ADCY2: variants seen among roughly 807,000 people sequenced by gnomAD.
ADCY2 encodes the protein adenylate cyclase 2, also known as adenylate cyclase type 2.
Under a neutral mutation model 125.2 loss-of-function variants are expected in ADCY2, and 31 were observed. The observed-to-expected ratio is 0.25, with a 90% CI of 0.19 to 0.33. ADCY2 has a LOEUF of 0.33. Ranked by LOEUF, ADCY2 falls within the 10% of genes least tolerant of loss-of-function variation. The probability of loss-of-function intolerance (pLI) is 1.00; values close to 1 mark genes in which losing one functional copy is unlikely to be tolerated. For missense variants in ADCY2, 904 were observed against 1,418.2 expected (o/e 0.64, Z 5.82); for synonymous variants, 512 against 548.4 (o/e 0.93, Z 0.93).
intron 2 of ADCY2, among the ~76,000 whole-genome samples, chr5:7,503,803 T>C (rs1443711714): frequency 6.6e-6 from 1 of 152,234 alleles, no homozygotes; most frequent in Non-Finnish European, 1.5e-5. Context: ...GCACATTGCA[T>C]GGACACCTGG....
chr5:7,655,230 T>C (rs1739279581), intron 4 of ADCY2, among the ~76,000 whole-genome samples: 2 of 152,176 alleles, frequency 1.3e-5, no homozygotes, highest in African/African-American at 4.8e-5. Context: ...GTTGCTTGTG[T>C]TGTTATTTCT....
At chr5:7,509,221 G>T (rs534054002) in intron 2 of ADCY2, among the ~76,000 whole-genome samples, 10 of 152,214 alleles carry the variant, frequency 6.6e-5, no homozygotes, top group Non-Finnish European at 1.5e-4. Flanking sequence ...GTTAAAACCA[G>T]TACTGGTGAA....
intron 11 of ADCY2, 90 bp downstream of exon 11, chr5:7,712,989 G>T: frequency 3.0e-6 from 3 of 1,015,146 alleles, no homozygotes; most frequent in Non-Finnish European, 3.0e-6. Flanking sequence ...AATTTCAAGG[G>T]CTACTTCTGA....
chr5:7,506,411 A>C (rs973403053), intron 2 of ADCY2, among the ~76,000 whole-genome samples: 3 of 152,196 alleles, frequency 2.0e-5, no homozygotes, highest in Non-Finnish European at 2.9e-5. Flanking sequence ...AGCAGCAAAG[A>C]TTCCCTTATC....
chr5:7,556,067 A>G (rs1392169701), intron 3 of ADCY2, among the ~76,000 whole-genome samples: 1 of 152,168 alleles, frequency 6.6e-6, no homozygotes, highest in Non-Finnish European at 1.5e-5. Flanking sequence ...TATACCACTT[A>G]TTTGTGGTGA....
rs774445847 is a variant in ADCY2, at chr5:7,698,211, T to C, written c.982-36T>C. 3.1e-6 allele frequency: 5 copies of C among 1,612,218 alleles called. No individual in the cohort carries two copies. The South Asian group carries it at 5.5e-5, about 18-fold the overall frequency. ...TGAATCTAGATCATTCTGCAAGTGC[T>C]TAATGCAACTGAAATTCTGTAATTT... On this transcript the variant is annotated intron_variant, in intron 6 of 24. Coordinates refer to ENST00000338316, the MANE Select transcript of ADCY2 (RefSeq NM_020546.3).
At chr5:7,642,273 G>A (rs1048106813) in intron 4 of ADCY2, among the ~76,000 whole-genome samples, 2 of 152,098 alleles carry the variant, frequency 1.3e-5, no homozygotes, top group East Asian at 3.9e-4. Context: ...CTAATGATTA[G>A]TCATATTGAG....
chr5:7,398,759 G>C (rs1003719504), intron 1 of ADCY2, among the ~76,000 whole-genome samples: 1 of 152,242 alleles, frequency 6.6e-6, no homozygotes, highest in Admixed American at 6.5e-5. Context: ...GGACCAAGTC[G>C]GAAGGAGCTA....
At position 7,727,255 on chromosome 5, in the gene ADCY2, T is replaced by C. The variant is rs1267928877; in HGVS notation, c.1865T>C (p.Leu622Pro). Residue 622 changes from leucine to proline, a missense_variant, in exon 14 of 25, where the codon CTG becomes CCG. Physicochemically the swap from Leu to Pro is moderately conservative, Grantham distance 98. Coordinates refer to ENST00000338316, the MANE Select transcript of ADCY2 (RefSeq NM_020546.3). ...ATCTTCATTGTGCAGATTCTCGTGC[T>C]GCCAAAGTAAGTACTTCTGGTTTCC... Reference protein sequence around the residue: ...FCIFIVQILVLPKTSVLGISF... With the variant: ...FCIFIVQILVPPKTSVLGISF... 6.2e-7 allele frequency: 1 copy of C among 1,613,802 alleles called. No homozygotes were observed. The highest frequency in any genetic ancestry group is 8.5e-7 in the Non-Finnish European group (1 of 1,179,722).
Position 7,526,563 on chromosome 5 carries a change from G to A in ADCY2, c.570+5664G>A, listed in dbSNP as rs77421238. Among the ~76,000 whole-genome samples the A allele has an allele frequency of 4.3e-3, 657 of 151,978 alleles. 4 individuals are homozygous for A. Among genetic ancestry groups the A allele is most frequent in the African/African-American group, 0.013 (552 of 41,434 alleles). On this transcript the variant is annotated intron_variant, in intron 3 of 24. Coordinates refer to ENST00000338316, the MANE Select transcript of ADCY2 (RefSeq NM_020546.3). ...TCATTACACCTTGTAAACAAGTATCGAAATATCATATATACCCCCAAAATA... is the reference window on the plus strand; with the variant it reads ...TCATTACACCTTGTAAACAAGTATCAAAATATCATATATACCCCCAAAATA...
At chr5:7,691,952 C>T (rs969420576) in intron 5 of ADCY2, 1 of 153,212 alleles carries the variant, frequency 6.5e-6, no homozygotes, top group African/African-American at 2.4e-5. Context: ...AGGTGTCACA[C>T]ACTTTTAAAC....
At chr5:7,791,805 G>A (rs1052563336) in intron 20 of ADCY2, among the ~76,000 whole-genome samples, 6 of 152,200 alleles carry the variant, frequency 3.9e-5, no homozygotes, top group Non-Finnish European at 5.9e-5. Context: ...CTCATCCTCC[G>A]TGGGCGCCTC....
At chr5:7,738,164 G>A (rs1742302836) in intron 14 of ADCY2, among the ~76,000 whole-genome samples, 2 of 152,066 alleles carry the variant, frequency 1.3e-5, no homozygotes, top group South Asian at 4.1e-4. Flanking sequence ...GTCTCTAAAA[G>A]ACAACAGGTG....
intron 3 of ADCY2, among the ~76,000 whole-genome samples, chr5:7,608,281 G>A (rs1737453212): frequency 6.6e-6 from 1 of 152,126 alleles, no homozygotes; most frequent in Non-Finnish European, 1.5e-5. Context: ...TTGGAGGGCT[G>A]ATTTAAATGC....
chr5:7,433,628 C>G (rs1740689200), intron 2 of ADCY2, among the ~76,000 whole-genome samples: 1 of 151,674 alleles, frequency 6.6e-6, no homozygotes, highest in African/African-American at 2.4e-5. Flanking sequence ...TTTTTGTAAG[C>G]AGATAAGCCA....
intron 2 of ADCY2, among the ~76,000 whole-genome samples, chr5:7,437,039 C>T (rs552810484): frequency 6.6e-5 from 10 of 152,310 alleles, no homozygotes; most frequent in African/African-American, 2.2e-4. Context: ...AGGCCCAGCT[C>T]TGCTTTGTAG....
At chr5:7,459,012 A>G (rs555957407) in intron 2 of ADCY2, among the ~76,000 whole-genome samples, 33 of 152,260 alleles carry the variant, frequency 2.2e-4, no homozygotes, top group African/African-American at 7.7e-4. Flanking sequence ...GGCTTAAATC[A>G]TGAAGATGCG....
chr5:7,573,628 A>T (rs998886649), intron 3 of ADCY2, among the ~76,000 whole-genome samples: 1 of 131,386 alleles, frequency 7.6e-6, no homozygotes, highest in Non-Finnish European at 1.8e-5. Context: ...TGAGAAAAAA[A>T]GCTGCAGGCT....
At chr5:7,566,759 GA>G (rs1032193038) in intron 3 of ADCY2, among the ~76,000 whole-genome samples, 2 of 151,996 alleles carry the variant, frequency 1.3e-5, no homozygotes, top group South Asian at 4.2e-4. Flanking sequence ...AACAAACAAA[GA>G]AAAAACAGAA....
Sources: allele counts gnomAD v4.1 joint callset (sites outside exome capture counted in the v4.1 genomes callset), GRCh38; gene constraint gnomAD v4.1.1; transcripts MANE v1.5; gene names NCBI Gene and HGNC (gene_info 2026-07-23, HGNC 2026-07-21).